The following TJP2 variants were observed in gnomAD, a reference collection of about 807,000 sequenced individuals.
The protein encoded by TJP2 is Friedreich ataxia region gene X104 (tight junction protein ZO-2).
Under a neutral mutation model 133.1 loss-of-function variants are expected in TJP2, and 91 were observed. The ratio of observed to expected loss-of-function variants is 0.68; its 90% CI spans 0.58 to 0.81. The LOEUF is 0.81. TJP2 is among the 40% of genes least tolerant of loss of function. The probability of loss-of-function intolerance (pLI) is 0.00; values close to 1 mark genes in which losing one functional copy is unlikely to be tolerated. For missense variants in TJP2, 1,541 were observed against 1,565.6 expected, an observed-to-expected ratio of 0.98 and a Z score of 0.26; for synonymous variants, 592 against 583.4, an observed-to-expected ratio of 1.01 and a Z score of -0.21.
intron 1 of TJP2, among the ~76,000 whole-genome samples, chr9:69,211,025 T>C (rs1005036795): frequency 6.6e-6 from 1 of 152,146 alleles, no homozygotes; most frequent in Non-Finnish European, 1.5e-5. Flanking sequence ...CACCCAGCCC[T>C]CTTCTAATTT....
intron 5 of TJP2, among the ~76,000 whole-genome samples, chr9:69,223,222 A>G (rs1250050418): frequency 1.3e-5 from 2 of 152,218 alleles, no homozygotes; most frequent in Non-Finnish European, 2.9e-5. Flanking sequence ...TGCTCTATGC[A>G]AGGGCTATGT....
chr9:69,129,760 T>C (rs1822406448), intron 1 of TJP2, among the ~76,000 whole-genome samples: 1 of 151,814 alleles, frequency 6.6e-6, no homozygotes, highest in South Asian at 2.1e-4. Context: ...CTCACGCCTG[T>C]AATCCCAGCA....
At chr9:69,215,914 T>TA (rs1434512515) in intron 2 of TJP2, among the ~76,000 whole-genome samples, 4 of 152,048 alleles carry the variant, frequency 2.6e-5, no homozygotes, top group Non-Finnish European at 4.4e-5. Flanking sequence ...AAAAAACAAA[T>TA]ACAATAAGGA....
chr9:69,176,564 C>T (rs2498437), intron 1 of TJP2, among the ~76,000 whole-genome samples: 11,951 of 152,242 alleles, frequency 0.079, 642 homozygotes, highest in Non-Finnish European at 0.12. Flanking sequence ...ACAAAAGAAG[C>T]GAACCAGTTT....
At chr9:69,235,060 A>G (rs76820600) in intron 12 of TJP2, among the ~76,000 whole-genome samples, 2,077 of 152,334 alleles carry the variant, frequency 0.014, 25 homozygotes, top group Middle Eastern at 0.027. Flanking sequence ...TAGGAAAGAA[A>G]GAGATTTATT....
intron 12 of TJP2, among the ~76,000 whole-genome samples, chr9:69,235,094 A>G (rs2133376355): frequency 6.6e-6 from 1 of 152,332 alleles, no homozygotes; most frequent in African/African-American, 2.4e-5. Context: ...TCACATAATT[A>G]TGGAGACTGG....
chr9:69,123,969 G>A (rs113167616), intron 1 of TJP2, among the ~76,000 whole-genome samples: 1 of 76,274 alleles, frequency 1.3e-5, no homozygotes, highest in Non-Finnish European at 3.0e-5. Context: ...CCAGGTTCAC[G>A]CCATTCTCCT....
chr9:69,251,509 A>T, intron 21 of TJP2, 145 bp downstream of exon 21: 1 of 834,134 alleles, frequency 1.2e-6, no homozygotes, highest in Admixed American at 2.2e-5. Flanking sequence ...GTCACTTCAG[A>T]TTGCCAGCTC....
intron 1 of TJP2, among the ~76,000 whole-genome samples, chr9:69,176,659 T>C (rs190366681): frequency 1.3e-5 from 2 of 152,318 alleles, no homozygotes; most frequent in Admixed American, 1.3e-4. Flanking sequence ...CCCGGGGGAA[T>C]TGCATTTGCA....
At chr9:69,222,238 A>G (rs1424764384) in intron 5 of TJP2, among the ~76,000 whole-genome samples, 1 of 145,552 alleles carries the variant, frequency 6.9e-6, no homozygotes, top group Non-Finnish European at 1.5e-5. Context: ...GTGCAGTGGC[A>G]TGATCTCGGC....
chr9:69,195,298 A>G (rs555988689), intron 1 of TJP2, among the ~76,000 whole-genome samples: 2 of 152,052 alleles, frequency 1.3e-5, no homozygotes, highest in Non-Finnish European at 2.9e-5. Flanking sequence ...CCAAATTAGC[A>G]CCTTCCTTTT....
intron 2 of TJP2, among the ~76,000 whole-genome samples, chr9:69,156,030 A>G (rs1823737155): frequency 1.3e-5 from 2 of 152,322 alleles, no homozygotes; most frequent in East Asian, 1.9e-4. Flanking sequence ...TGTGACTCCT[A>G]TATGTAAACC....
At chr9:69,178,065 G>T (rs1371889509) in intron 1 of TJP2, among the ~76,000 whole-genome samples, 2 of 151,866 alleles carry the variant, frequency 1.3e-5, no homozygotes, top group African/African-American at 2.4e-5. Context: ...CTATCATCCA[G>T]CTGGCCATTA....
At chr9:69,249,534 T>G in intron 20 of TJP2, 49 bp downstream of exon 20, 1 of 1,562,696 alleles carries the variant, frequency 6.4e-7, no homozygotes, top group South Asian at 1.2e-5. Flanking sequence ...AGCAGATGCC[T>G]CTGAAGCCTC....
rs1824894285 is a variant in TJP2 at position 69,174,362 on chromosome 9, C to T, written c.-11C>T. ...CCGGAGCTGCGCGCCTACGCGGGAC[C>T]TGTGTCCGAAATGCCGGTGCGAGGA... On this transcript the variant is annotated 5_prime_UTR_variant, in exon 1 of 23. Coordinates refer to ENST00000377245, the MANE Select transcript of TJP2 (RefSeq NM_004817.4). 1 of 1,551,684 alleles carries T rather than the reference C, an allele frequency of 6.4e-7. No homozygotes were observed. Among genetic ancestry groups the T allele is most frequent in the African/African-American group, 1.4e-5 (1 of 73,226 alleles).
At chr9:69,239,170 C>T (rs1830412985) in intron 16 of TJP2, among the ~76,000 whole-genome samples, 3 of 148,814 alleles carry the variant, frequency 2.0e-5, no homozygotes, top group South Asian at 2.2e-4. Context: ...GCCTGGGCGA[C>T]GAGTGAAACT....
chr9:69,206,295 A>G (rs1211456108), intron 1 of TJP2, among the ~76,000 whole-genome samples: 1 of 151,970 alleles, frequency 6.6e-6, no homozygotes, highest in African/African-American at 2.4e-5. Flanking sequence ...ACCTCCCCCC[A>G]CAACTCCCCA....
chr9:69,233,497 G>A (rs1829941975), intron 11 of TJP2, among the ~76,000 whole-genome samples: 1 of 152,194 alleles, frequency 6.6e-6, no homozygotes, highest in Non-Finnish European at 1.5e-5. Flanking sequence ...TATGGGCCAG[G>A]CGTGGTGGCT....
intron 2 of TJP2, among the ~76,000 whole-genome samples, chr9:69,164,193 CAG>C (rs1377286426): frequency 6.6e-6 from 1 of 152,184 alleles, no homozygotes; most frequent in Non-Finnish European, 1.5e-5. Flanking sequence ...TATTTGCTTG[CAG>C]GTTTTTTCTA....
Sources: allele counts gnomAD v4.1 joint callset (sites outside exome capture counted in the v4.1 genomes callset), GRCh38; gene constraint gnomAD v4.1.1; transcripts MANE v1.5; gene names NCBI Gene and HGNC (gene_info 2026-07-23, HGNC 2026-07-21).